RBM25: variants seen among roughly 807,000 people sequenced by gnomAD.
The protein encoded by RBM25 is RNA binding motif protein 25.
A neutral mutation model predicts 120.7 loss-of-function variants in RBM25; 19 were observed. That is an observed-to-expected ratio of 0.16 (90% CI 0.11 to 0.23). The LOEUF is 0.23. RBM25 is among the 10% of genes least tolerant of loss of function. RBM25 has a pLI of 1.00. For synonymous variants in RBM25, 390 were observed against 326.7 expected, an observed-to-expected ratio of 1.19 and a Z score of -2.09; for missense variants, 605 against 1,041.5, an observed-to-expected ratio of 0.58 and a Z score of 5.77.
intron 1 of RBM25, among the ~76,000 whole-genome samples, chr14:73,070,384 C>G (rs1306999882): frequency 6.6e-6 from 1 of 152,062 alleles, no homozygotes; most frequent in Non-Finnish European, 1.5e-5. Context: ...AAATCAAATG[C>G]TAGCTTCTGA....
chr14:73,105,928 A>G lies in RBM25; in HGVS notation c.1224A>G (p.Glu408=), dbSNP rs1353260978. 2 of 1,612,390 alleles carry G rather than the reference A, an allele frequency of 1.2e-6. No individual in the cohort carries two copies. Among genetic ancestry groups the G allele is most frequent in the Non-Finnish European group, 1.7e-6 (2 of 1,179,102 alleles). ...ERERERERER[E]RERERERERE... ...AGAGAGAGAGAGAACGAGAGCGAGA[A>G]CGAGAACGGGAGCGAGAGAGAGAGC... Residue 408 remains glutamate (E), a synonymous_variant, in exon 11 of 19, where the codon GAA becomes GAG. Transcript: ENST00000261973.
chr14:73,083,428 T>C (rs1895610457), intron 4 of RBM25, 66 bp from the exon 5 acceptor site: 9 of 1,296,408 alleles, frequency 6.9e-6, no homozygotes, highest in South Asian at 1.5e-5. Context: ...ATAATTTTGC[T>C]TTTAGTTACA....
intron 6 of RBM25, among the ~76,000 whole-genome samples, chr14:73,093,892 C>G (rs1425809934): frequency 6.6e-6 from 1 of 151,118 alleles, no homozygotes; most frequent in Non-Finnish European, 1.5e-5. Context: ...TTAGATGAAA[C>G]TTGCCAGTCT....
At chr14:73,087,656 A>G (rs369215017) in intron 5 of RBM25, among the ~76,000 whole-genome samples, 291 of 151,962 alleles carry the variant, frequency 1.9e-3, no homozygotes, top group Non-Finnish European at 2.9e-3. Flanking sequence ...CGGCCTCCCA[A>G]AGTGCTGGGA....
chr14:73,119,603 A>G (rs1203789485), intron 18 of RBM25, 110 bp from the exon 19 acceptor site: 3 of 1,541,008 alleles, frequency 1.9e-6, no homozygotes, highest in South Asian at 1.2e-5. Context: ...CATTTAAGTA[A>G]TAAGTGCTTA....
chr14:73,067,506 A>G (rs1023609543), intron 1 of RBM25, among the ~76,000 whole-genome samples: 2 of 150,044 alleles, frequency 1.3e-5, no homozygotes, highest in Admixed American at 1.3e-4. Context: ...CCCGGGTTCA[A>G]GCAATTCTCC....
rs187237608 is a variant in RBM25 at position 73,060,386 on chromosome 14, A to G, written c.-16+1681A>G. The stretch of plus-strand genomic sequence containing the variant: ...TAGTCCATGTTAACATTGGGTAACT[A>G]CTTCAGACCTAACAGGAATTTGGAA... On this transcript the variant is annotated intron_variant, in intron 1 of 18. Coordinates refer to ENST00000261973, the MANE Select transcript of RBM25 (RefSeq NM_021239.3). Among the ~76,000 whole-genome samples the G allele has an allele frequency of 1.4e-3, 207 of 151,588 alleles. 12 individuals carry two copies. The highest frequency in any genetic ancestry group is 2.1e-3 in the Non-Finnish European group (140 of 67,616).
intron 7 of RBM25, among the ~76,000 whole-genome samples, chr14:73,097,431 C>T (rs184020847): frequency 6.6e-6 from 1 of 151,934 alleles, no homozygotes; most frequent in Non-Finnish European, 1.5e-5. Context: ...AATCTCGTGA[C>T]CTCGTGGTCG....
chr14:73,083,465 C>T, intron 4 of RBM25, 29 bp from the exon 5 acceptor site: 1 of 1,510,362 alleles, frequency 6.6e-7, no homozygotes, highest in Non-Finnish European at 8.9e-7. Context: ...TAAATGGTAG[C>T]AATCTGTTTG....
chr14:73,108,214 A>G (rs1366923117), intron 13 of RBM25, among the ~76,000 whole-genome samples: 1 of 152,146 alleles, frequency 6.6e-6, no homozygotes, highest in Non-Finnish European at 1.5e-5. Context: ...TCTTTTAGAG[A>G]CAGGGTCTTA....
rs766461418 is a variant in RBM25 at position 73,080,213 on chromosome 14, CTTTTTTTT to C, written c.324+2698_324+2705del. Among the ~76,000 whole-genome samples the C allele has an allele frequency of 2.0e-3, 133 of 67,176 alleles. 3 individuals carry two copies. Among genetic ancestry groups the C allele is most frequent in the African/African-American group, 1.9e-3 (30 of 15,800 alleles). The allele number at this position is 67,176 out of a possible 152,430, so 44.1% of individuals were successfully genotyped here. On this transcript the variant is annotated intron_variant, in intron 4 of 18. Transcript: ENST00000261973. ...TGTCCGAGTTTCTATTCTTACACAT[CTTTTTTTT>C]TTTTTTTTTTTTTTTTTTTTGAGAT...
chr14:73,099,321 G>C, intron 7 of RBM25, 59 bp from the exon 8 acceptor site: 1 of 1,471,928 alleles, frequency 6.8e-7, no homozygotes, highest in Non-Finnish European at 9.3e-7. Flanking sequence ...TTGCTTTGCA[G>C]ATTAGTATGA....
intron 1 of RBM25, among the ~76,000 whole-genome samples, chr14:73,066,373 T>C (rs1380753946): frequency 1.3e-5 from 2 of 152,130 alleles, no homozygotes; most frequent in East Asian, 3.9e-4. Flanking sequence ...CAGTGGCTTA[T>C]ACCTGTAATC....
At position 73,111,633 on chromosome 14, in the gene RBM25, G is replaced by T; in HGVS notation, c.2123G>T (p.Arg708Leu). The change falls in exon 16 of 19, where the codon CGA becomes CTA. Residue 708 changes from arginine (R) to leucine (L), a missense_variant. Transcript: ENST00000261973. ...GATGAAGACAGTGATGACGTACCCC[G>T]AAAAAGGAAACTGGTTCCCTTGGAT... ...FEDEDSDDVPRKRKLVPLDYG... is the reference protein window; with the variant it reads ...FEDEDSDDVPLKRKLVPLDYG... 6 of 1,614,072 alleles carry T rather than the reference G, an allele frequency of 3.7e-6. No homozygotes were observed. Among genetic ancestry groups the T allele is most frequent in the Non-Finnish European group, 4.2e-6 (5 of 1,179,990 alleles).
Position 73,123,032 on chromosome 14 carries a change from T to G in RBM25, c.*3227T>G, listed in dbSNP as rs534765264. On this transcript the variant is annotated 3_prime_UTR_variant, in exon 19 of 19. Transcript: ENST00000261973. Reference sequence around the variant, plus strand: ...AATTATGTCTGAGAAAGCCCTAATATTCTAGGCTTTTTTTCCATCCAGCCC... The same window carrying G: ...AATTATGTCTGAGAAAGCCCTAATAGTCTAGGCTTTTTTTCCATCCAGCCC... 1 of 152,320 alleles carries G rather than the reference T, an allele frequency of 6.6e-6. No individual in the cohort carries two copies. Among genetic ancestry groups the G allele is most frequent in the East Asian group, 1.9e-4 (1 of 5,192 alleles). The allele number at this position is 152,320 out of a possible 1,614,324, so 9.4% of individuals were successfully genotyped here.
chr14:73,065,329 T>C (rs1895103670), intron 1 of RBM25, among the ~76,000 whole-genome samples: 1 of 152,116 alleles, frequency 6.6e-6, no homozygotes. Context: ...GGTTTCACCA[T>C]GTTGGCCGGG....
At chr14:73,100,619 T>C in intron 9 of RBM25, 1 of 279,402 alleles carries the variant, frequency 3.6e-6, no homozygotes, top group East Asian at 6.0e-5. Flanking sequence ...TGCTGGTTCT[T>C]ACTGATAGAC....
chr14:73,109,758 A>G (rs971315391), intron 14 of RBM25, among the ~76,000 whole-genome samples: 2 of 151,880 alleles, frequency 1.3e-5, no homozygotes, highest in African/African-American at 4.8e-5. Flanking sequence ...GCGCCACTGC[A>G]CTCCAGCCTG....
chr14:73,065,472 T>A (rs896996259), intron 1 of RBM25, among the ~76,000 whole-genome samples: 1 of 148,262 alleles, frequency 6.7e-6, no homozygotes, highest in Non-Finnish European at 1.5e-5. Flanking sequence ...GTCGCCAAGG[T>A]GGAGTGCAGT....
Sources: gnomAD v4.1 joint callset for allele counts (sites outside exome capture counted in the v4.1 genomes callset) on GRCh38, gnomAD v4.1.1 for gene constraint, MANE v1.5 for transcripts, NCBI Gene and HGNC (gene_info 2026-07-23, HGNC 2026-07-21) for gene names.